ENTHD1: variants seen among roughly 807,000 people sequenced by gnomAD.
ENTHD1 encodes ENTH domain containing 1.
ENTHD1 carries 23 observed loss-of-function variants against 39.1 expected under a neutral mutation model. The observed-to-expected ratio is 0.59, with a 90% CI of 0.42 to 0.83. The LOEUF (loss-of-function observed/expected upper bound fraction) is 0.83. Ranked by LOEUF, ENTHD1 falls within the 40% of genes least tolerant of loss-of-function variation. The pLI is 0.00. For missense variants in ENTHD1, 624 were observed against 705.4 expected, an observed-to-expected ratio of 0.88 and a Z score of 1.31; for synonymous variants, 230 against 258.2, an observed-to-expected ratio of 0.89 and a Z score of 1.05.
At chr22:39,839,757 C>T (rs977495367) in intron 3 of ENTHD1, among the ~76,000 whole-genome samples, 1 of 152,160 alleles carries the variant, frequency 6.6e-6, no homozygotes, top group African/African-American at 2.4e-5. Context: ...TCTTGGAAAT[C>T]ATATGGTCTT....
intron 2 of ENTHD1, among the ~76,000 whole-genome samples, chr22:39,864,061 G>A (rs529308606): frequency 6.6e-6 from 1 of 152,196 alleles, no homozygotes; most frequent in South Asian, 2.1e-4. Flanking sequence ...ACAATGTTTT[G>A]GGTAACCATT....
intron 3 of ENTHD1, among the ~76,000 whole-genome samples, chr22:39,847,435 G>T (rs991435170): frequency 4.6e-5 from 7 of 150,728 alleles, no homozygotes; most frequent in African/African-American, 7.3e-5. Flanking sequence ...ATGAGTTAAT[G>T]GGTGCAGCAC....
intron 2 of ENTHD1, chr22:39,875,645 G>T (rs1283346881): frequency 6.2e-7 from 1 of 1,612,212 alleles, no homozygotes; most frequent in Non-Finnish European, 8.5e-7. Context: ...TTTGGTAACT[G>T]GAGTAACTAC....
chr22:39,841,144 G>A (rs902124229), intron 3 of ENTHD1, among the ~76,000 whole-genome samples: 6 of 152,144 alleles, frequency 3.9e-5, no homozygotes, highest in Non-Finnish European at 8.8e-5. Context: ...TACAAAGAAT[G>A]CCCATATGGT....
intron 2 of ENTHD1, 117 bp downstream of exon 2, chr22:39,887,283 C>T (rs571065006): frequency 2.4e-6 from 2 of 850,774 alleles, no homozygotes; most frequent in Non-Finnish European, 3.6e-6. Flanking sequence ...GCAATCTTTC[C>T]TCACTACAGC....
At chr22:39,876,190 T>A (rs1236006921) in intron 2 of ENTHD1, 1 of 1,442,156 alleles carries the variant, frequency 6.9e-7, no homozygotes, top group Non-Finnish European at 9.3e-7. Context: ...GGAAGCCTTC[T>A]GTACTTGAAG....
At chr22:39,767,235 A>C (rs897042897) in intron 5 of ENTHD1, among the ~76,000 whole-genome samples, 1 of 152,230 alleles carries the variant, frequency 6.6e-6, no homozygotes, top group African/African-American at 2.4e-5. Context: ...TTAACTGCTT[A>C]ATAATGATTA....
At chr22:39,791,309 TTATATATAAAGATATATTAAA>T (rs1434562336) in intron 5 of ENTHD1, among the ~76,000 whole-genome samples, 3 of 148,114 alleles carry the variant, frequency 2.0e-5, no homozygotes, top group Non-Finnish European at 3.0e-5. Flanking sequence ...CTACATAATT[TTATATATAAAGATATATTAAA>T]TATATATAAA....
At position 39,743,496 on chromosome 22, in the gene ENTHD1, C is replaced by T; in HGVS notation, c.*183G>A. The T allele has an allele frequency of 3.3e-6, 2 of 604,458 alleles. No homozygotes were observed. Among genetic ancestry groups the T allele is most frequent in the Non-Finnish European group, 5.2e-6 (2 of 381,762 alleles). The allele number at this position is 604,458 out of a possible 1,614,324, so 37.4% of individuals were successfully genotyped here. Reference sequence around the variant, plus strand: ...GAAATTATCAAAGGTGACATCTTTCCCTTTTAAAAAATAAACCACCCAAAT... The same window carrying T: ...GAAATTATCAAAGGTGACATCTTTCTCTTTTAAAAAATAAACCACCCAAAT... On this transcript the variant is annotated 3_prime_UTR_variant, in exon 7 of 7. Transcript: ENST00000325157.
chr22:39,864,096 C>T (rs1015821847), intron 2 of ENTHD1, among the ~76,000 whole-genome samples: 7 of 152,194 alleles, frequency 4.6e-5, no homozygotes, highest in South Asian at 2.1e-4. Flanking sequence ...AAACAGAAGT[C>T]GGCTGTGAAT....
chr22:39,863,569 G>T (rs1286328594), intron 2 of ENTHD1, among the ~76,000 whole-genome samples: 6 of 152,078 alleles, frequency 3.9e-5, no homozygotes, highest in Admixed American at 3.9e-4. Context: ...CGAATATAAG[G>T]TATTACTATT....
At position 39,744,010 on chromosome 22, in the gene ENTHD1, G is replaced by C. The variant is rs1031933339; in HGVS notation, c.1493C>G (p.Ser498Cys). The C allele has an allele frequency of 6.2e-7, 1 of 1,614,024 alleles. No individual in the cohort carries two copies. Among genetic ancestry groups the C allele is most frequent in the Non-Finnish European group, 8.5e-7 (1 of 1,180,012 alleles). Residue 498 changes from serine to cysteine, a missense_variant, in exon 7 of 7, where the codon TCT becomes TGT. Coordinates refer to ENST00000325157, the MANE Select transcript of ENTHD1 (RefSeq NM_152512.4). ...LNLLGILPNN[S>C]DSAKKNISHI... ...ACTTATATTCTTTTTAGCAGAATCA[G>C]AGTTATTTGGAAGAATTCCCAGTAG...
intron 5 of ENTHD1, among the ~76,000 whole-genome samples, chr22:39,807,267 G>A (rs1346165838): frequency 6.6e-6 from 1 of 152,068 alleles, no homozygotes; most frequent in African/African-American, 2.4e-5. Context: ...ACACATCAAA[G>A]GCTCCCCATT....
intron 5 of ENTHD1, among the ~76,000 whole-genome samples, chr22:39,791,687 C>T (rs1351094945): frequency 6.6e-6 from 1 of 152,106 alleles, no homozygotes; most frequent in African/African-American, 2.4e-5. Context: ...CATGAGCCAC[C>T]ATGTCTGGCC....
chr22:39,778,820 A>C (rs2065385603), intron 5 of ENTHD1, among the ~76,000 whole-genome samples: 2 of 152,156 alleles, frequency 1.3e-5, no homozygotes, highest in South Asian at 4.1e-4. Context: ...CCCATGCCTT[A>C]CACATATTTT....
At chr22:39,845,657 G>T (rs11089965) in intron 3 of ENTHD1, among the ~76,000 whole-genome samples, 2 of 151,964 alleles carry the variant, frequency 1.3e-5, no homozygotes, top group Non-Finnish European at 2.9e-5. Context: ...CATAAAATTC[G>T]TAATTGTTTC....
chr22:39,883,514 G>A (rs1363997492), intron 2 of ENTHD1, among the ~76,000 whole-genome samples: 5 of 151,886 alleles, frequency 3.3e-5, no homozygotes, highest in East Asian at 1.9e-4. Context: ...ACTTGATGAC[G>A]GGAAGCTTTC....
intron 3 of ENTHD1, among the ~76,000 whole-genome samples, chr22:39,856,439 T>C (rs2066088437): frequency 6.6e-6 from 1 of 152,144 alleles, no homozygotes; most frequent in South Asian, 2.1e-4. Flanking sequence ...AATTACTCTT[T>C]TTTGAACACA....
chr22:39,834,522 A>G (rs1472181690), intron 4 of ENTHD1, among the ~76,000 whole-genome samples: 1 of 152,196 alleles, frequency 6.6e-6, no homozygotes, highest in Non-Finnish European at 1.5e-5. Context: ...TGGATCTTTT[A>G]TGCATTGCTC....
Sources: gnomAD v4.1 joint callset for allele counts (sites outside exome capture counted in the v4.1 genomes callset) on GRCh38, gnomAD v4.1.1 for gene constraint, MANE v1.5 for transcripts, NCBI Gene and HGNC (gene_info 2026-07-23, HGNC 2026-07-21) for gene names.